Variants in TECRL observed in about 807,000 individuals in gnomAD.
The protein encoded by TECRL is trans-2,3-enoyl-CoA reductase like.
A neutral mutation model predicts 52.8 loss-of-function variants in TECRL; 63 were observed. The ratio of observed to expected loss-of-function variants is 1.19; its 90% CI spans 0.97 to 1.47. The LOEUF (loss-of-function observed/expected upper bound fraction) is 1.47, where lower values mean the gene tolerates loss of function less well. TECRL is among the 40% of genes most tolerant of loss of function. The probability of loss-of-function intolerance (pLI) is 0.00; values close to 1 mark genes in which losing one functional copy is unlikely to be tolerated. For synonymous variants in TECRL, 164 were observed against 141.9 expected (o/e 1.16, Z -1.10); for missense variants, 482 against 429.6 (o/e 1.12, Z -1.08).
At chr4:64,355,253 T>C (rs1720683415) in intron 2 of TECRL, among the ~76,000 whole-genome samples, 1 of 152,110 alleles carries the variant, frequency 6.6e-6, no homozygotes, top group Non-Finnish European at 1.5e-5. Context: ...GAGTGAAAAC[T>C]TAATGTGTTA....
intron 4 of TECRL, among the ~76,000 whole-genome samples, chr4:64,319,078 A>G (rs960778690): frequency 6.6e-6 from 1 of 151,918 alleles, no homozygotes; most frequent in South Asian, 2.1e-4. Flanking sequence ...GTAAAAATGT[A>G]TATTAGCATT....
chr4:64,352,342 A>T (rs1341698382), intron 2 of TECRL, among the ~76,000 whole-genome samples: 4 of 152,222 alleles, frequency 2.6e-5, no homozygotes, highest in African/African-American at 9.6e-5. Flanking sequence ...ATTAAAAAAC[A>T]ATTATTGTAT....
At chr4:64,371,476 C>A (rs1721969780) in intron 2 of TECRL, among the ~76,000 whole-genome samples, 1 of 151,490 alleles carries the variant, frequency 6.6e-6, no homozygotes, top group Non-Finnish European at 1.5e-5. Flanking sequence ...ATTTCCGAAT[C>A]TCTGTTAGAG....
At chr4:64,401,658 T>C (rs1307228790) in intron 1 of TECRL, among the ~76,000 whole-genome samples, 1 of 152,238 alleles carries the variant, frequency 6.6e-6, no homozygotes, top group Non-Finnish European at 1.5e-5. Flanking sequence ...CATTTCATTA[T>C]AAGCTTCGTG....
intron 2 of TECRL, among the ~76,000 whole-genome samples, chr4:64,339,133 G>A (rs1253691935): frequency 1.3e-5 from 2 of 151,900 alleles, no homozygotes; most frequent in Non-Finnish European, 2.9e-5. Context: ...GTCCTTTGTA[G>A]GGACATGGAT....
At chr4:64,365,413 A>G (rs1050840877) in intron 2 of TECRL, among the ~76,000 whole-genome samples, 2 of 152,104 alleles carry the variant, frequency 1.3e-5, no homozygotes, top group South Asian at 2.1e-4. Context: ...GAAAAAAGGC[A>G]TCTAAATAGG....
intron 4 of TECRL, among the ~76,000 whole-genome samples, chr4:64,318,541 G>T (rs1352206025): frequency 6.6e-6 from 1 of 151,912 alleles, no homozygotes; most frequent in Admixed American, 6.6e-5. Context: ...TAATAATTGT[G>T]CATATCATAG....
Position 64,300,034 on chromosome 4 carries a change from G to A in TECRL, c.731-17C>T. The A allele has an allele frequency of 1.3e-6, 2 of 1,561,676 alleles. No homozygotes were observed. Among genetic ancestry groups the A allele is most frequent in the Middle Eastern group, 1.7e-4 (1 of 5,824 alleles). ...TTCCAAATGCTGGAGAGTAGAAAAA[G>A]AATATGTCATGCAGATACTCATAGT... On this transcript the variant is annotated splice_polypyrimidine_tract_variant and intron_variant, in intron 7 of 11. Transcript: ENST00000381210.
At chr4:64,333,022 T>A (rs1718756927) in intron 2 of TECRL, among the ~76,000 whole-genome samples, 1 of 151,948 alleles carries the variant, frequency 6.6e-6, no homozygotes, top group Non-Finnish European at 1.5e-5. Flanking sequence ...TATATAGATA[T>A]ATAAAATAAA....
intron 4 of TECRL, among the ~76,000 whole-genome samples, chr4:64,321,068 C>A (rs994565060): frequency 2.0e-5 from 3 of 151,988 alleles, no homozygotes; most frequent in Non-Finnish European, 4.4e-5. Context: ...AGAACATTGG[C>A]AGCTTCTTTT....
intron 8 of TECRL, among the ~76,000 whole-genome samples, chr4:64,290,777 A>G (rs1410758675): frequency 1.3e-5 from 2 of 152,088 alleles, no homozygotes; most frequent in Non-Finnish European, 2.9e-5. Flanking sequence ...CATCATCTAG[A>G]ACTGTTAGGT....
intron 2 of TECRL, among the ~76,000 whole-genome samples, chr4:64,355,967 C>A (rs1032404313): frequency 1.3e-5 from 2 of 152,052 alleles, no homozygotes; most frequent in African/African-American, 2.4e-5. Context: ...GTACCCTGAA[C>A]AATTGCTTTG....
chr4:64,290,210 A>G (rs1431050394), intron 8 of TECRL, among the ~76,000 whole-genome samples: 1 of 152,108 alleles, frequency 6.6e-6, no homozygotes, highest in Non-Finnish European at 1.5e-5. Flanking sequence ...AGTTTGGAAA[A>G]CCTACTGTGA....
chr4:64,319,886 C>G (rs1215759245), intron 4 of TECRL, among the ~76,000 whole-genome samples: 1 of 151,820 alleles, frequency 6.6e-6, no homozygotes, highest in African/African-American at 2.4e-5. Flanking sequence ...AGAGCATTTT[C>G]CACATGACAA....
intron 1 of TECRL, among the ~76,000 whole-genome samples, chr4:64,377,633 TGTTA>T (rs1722495679): frequency 6.6e-6 from 1 of 152,094 alleles, no homozygotes; most frequent in Non-Finnish European, 1.5e-5. Context: ...AGGCAAATGA[TGTTA>T]GTTAAACCAA....
At chr4:64,308,984 T>G (rs1440610881) in intron 6 of TECRL, among the ~76,000 whole-genome samples, 1 of 152,188 alleles carries the variant, frequency 6.6e-6, no homozygotes, top group East Asian at 1.9e-4. Context: ...AATAAATTAT[T>G]TGATAATTGG....
intron 5 of TECRL, among the ~76,000 whole-genome samples, chr4:64,310,132 GTC>G (rs1022675249): frequency 3.9e-5 from 6 of 152,118 alleles, no homozygotes; most frequent in East Asian, 1.9e-4. Flanking sequence ...TGTTATAAGA[GTC>G]TCTATAAATT....
intron 10 of TECRL, 93 bp downstream of exon 10, chr4:64,281,381 A>G (rs1722819838): frequency 1.3e-6 from 1 of 765,636 alleles, no homozygotes; most frequent in Non-Finnish European, 2.1e-6. Flanking sequence ...TTTTTCCTGT[A>G]TATATTAATT....
chr4:64,390,859 T>C (rs907822446), intron 1 of TECRL, among the ~76,000 whole-genome samples: 15 of 151,944 alleles, frequency 9.9e-5, no homozygotes, highest in Non-Finnish European at 2.1e-4. Flanking sequence ...ATGTTACAGT[T>C]TTTAAAATAT....
Sources: allele counts gnomAD v4.1 joint callset (sites outside exome capture counted in the v4.1 genomes callset), GRCh38; gene constraint gnomAD v4.1.1; transcripts MANE v1.5; gene names NCBI Gene and HGNC (gene_info 2026-07-23, HGNC 2026-07-21).